DNM3: variants seen among roughly 807,000 people sequenced by gnomAD.
DNM3 encodes dynamin 3.
A neutral mutation model predicts 101.6 loss-of-function variants in DNM3; 47 were observed. The ratio of observed to expected loss-of-function variants is 0.46; its 90% CI spans 0.37 to 0.59. The LOEUF (loss-of-function observed/expected upper bound fraction) is 0.59, where lower values mean the gene tolerates loss of function less well. Among genes scored for constraint, DNM3 ranks in the 20% least tolerant of loss-of-function variants. The pLI is 0.00. For missense variants in DNM3, 849 were observed against 1,085.7 expected (o/e 0.78, Z 3.06); for synonymous variants, 385 against 387.9 (o/e 0.99, Z 0.09).
chr1:172,041,861 A>G (rs2125836788), intron 7 of DNM3, 148 bp from the exon 8 acceptor site: 1 of 649,744 alleles, frequency 1.5e-6, no homozygotes, highest in South Asian at 3.2e-5. Flanking sequence ...CACTGTGAGT[A>G]CTACATAGAG....
chr1:172,290,789 A>G (rs1420235318), intron 15 of DNM3, among the ~76,000 whole-genome samples: 1 of 152,154 alleles, frequency 6.6e-6, no homozygotes, highest in Non-Finnish European at 1.5e-5. Flanking sequence ...TACTGGGAAG[A>G]TTACCACTGG....
At chr1:171,917,402 C>T (rs2039801842) in intron 1 of DNM3, among the ~76,000 whole-genome samples, 1 of 152,112 alleles carries the variant, frequency 6.6e-6, no homozygotes, top group Non-Finnish European at 1.5e-5. Context: ...ACTGGAAGAG[C>T]CAATAAGAAA....
In DNM3 at chr1:172,410,402, C is replaced by A. The variant is rs1391144821; in HGVS notation, c.*2561C>A. 1.0e-6 allele frequency: 1 copy of A among 984,930 alleles called. No homozygotes were observed. The highest frequency in any genetic ancestry group is 1.1e-4 in the East Asian group (1 of 8,832). 61.0% of individuals were successfully genotyped at this position (984,930 alleles called of 1,614,324 possible). A position where few individuals can be genotyped will look rare whatever the true frequency, so the allele number is the denominator to read the frequency against. ...ACTGATTGCTCTGATATTGTAAACA[C>A]AATAGATGTAGCTCTATCATGTCTA... On this transcript the variant is annotated 3_prime_UTR_variant, in exon 21 of 21. Coordinates refer to ENST00000627582, the MANE Select transcript of DNM3 (RefSeq NM_015569.5).
intron 13 of DNM3, among the ~76,000 whole-genome samples, chr1:172,099,017 G>A (rs1187734716): frequency 6.6e-6 from 1 of 152,178 alleles, no homozygotes; most frequent in Non-Finnish European, 1.5e-5. Flanking sequence ...ACAGTTGGAA[G>A]GTGGCATAAA....
At position 172,361,929 on chromosome 1, in the gene DNM3, G is replaced by A. The variant is rs140811758; in HGVS notation, c.1894-17089G>A. 3.9e-3 allele frequency among the ~76,000 whole-genome samples: 595 copies of A among 152,028 alleles called. 1 individual carries two copies. Among genetic ancestry groups the A allele is most frequent in the Non-Finnish European group, 6.6e-3 (451 of 67,918 alleles). Reference sequence around the variant, plus strand: ...AAATACCCAACACTTATAAGACCCTGCCCTCCTTTCACTCACCTCTTTGTT... The same window carrying A: ...AAATACCCAACACTTATAAGACCCTACCCTCCTTTCACTCACCTCTTTGTT... On this transcript the variant is annotated intron_variant, in intron 17 of 20. Coordinates refer to ENST00000627582, the MANE Select transcript of DNM3 (RefSeq NM_015569.5).
intron 4 of DNM3, among the ~76,000 whole-genome samples, chr1:171,992,380 C>T (rs976835729): frequency 6.6e-6 from 1 of 152,028 alleles, no homozygotes; most frequent in African/African-American, 2.4e-5. Flanking sequence ...TCCACAAAGT[C>T]ATTCCCAGTA....
intron 1 of DNM3, among the ~76,000 whole-genome samples, chr1:171,917,988 G>C (rs1035232369): frequency 1.3e-5 from 2 of 152,166 alleles, no homozygotes; most frequent in Non-Finnish European, 2.9e-5. Flanking sequence ...AATATTGTTC[G>C]TGTCAGTGCT....
intron 1 of DNM3, among the ~76,000 whole-genome samples, chr1:171,885,995 G>A (rs186753595): frequency 7.9e-5 from 12 of 152,244 alleles, no homozygotes; most frequent in African/African-American, 2.9e-4. Flanking sequence ...CACTTTGACC[G>A]GACTGTCAAG....
chr1:172,098,112 G>A (rs1232144818), intron 13 of DNM3, among the ~76,000 whole-genome samples: 2 of 152,106 alleles, frequency 1.3e-5, no homozygotes, highest in African/African-American at 2.4e-5. Context: ...CAGGGTTTGA[G>A]AGCAGACAAC....
chr1:171,880,548 A>G (rs12065850), intron 1 of DNM3, among the ~76,000 whole-genome samples: 1 of 152,254 alleles, frequency 6.6e-6, no homozygotes, highest in Non-Finnish European at 1.5e-5. Flanking sequence ...GAATTTAAAG[A>G]GTCTATGAAG....
chr1:172,156,958 G>A (rs1314708611), intron 14 of DNM3, among the ~76,000 whole-genome samples: 2 of 152,012 alleles, frequency 1.3e-5, no homozygotes, highest in Non-Finnish European at 2.9e-5. Flanking sequence ...CATAGAGCAG[G>A]AGACCCCCAA....
intron 11 of DNM3, among the ~76,000 whole-genome samples, chr1:172,074,857 T>C (rs1481702517): frequency 6.6e-6 from 1 of 152,240 alleles, no homozygotes; most frequent in Admixed American, 6.5e-5. Context: ...CGTCAAATGG[T>C]ATTGCTGGTT....
chr1:171,925,355 G>A (rs1367684931), intron 2 of DNM3, among the ~76,000 whole-genome samples: 2 of 152,012 alleles, frequency 1.3e-5, no homozygotes, highest in Non-Finnish European at 2.9e-5. Flanking sequence ...AGCCTCCCGA[G>A]TAGCTGGGAT....
At chr1:172,212,764 T>A (rs897840273) in intron 14 of DNM3, among the ~76,000 whole-genome samples, 10 of 152,114 alleles carry the variant, frequency 6.6e-5, no homozygotes, top group Admixed American at 2.6e-4. Flanking sequence ...TTCTAATCCA[T>A]GCTGAACATG....
intron 20 of DNM3, among the ~76,000 whole-genome samples, chr1:172,404,680 T>C (rs2070753903): frequency 1.3e-5 from 2 of 152,100 alleles, no homozygotes; most frequent in South Asian, 4.1e-4. Context: ...CTTCCAAGTT[T>C]TATATGCAGC....
chr1:172,360,999 A>G (rs976041363), intron 17 of DNM3, among the ~76,000 whole-genome samples: 1 of 152,032 alleles, frequency 6.6e-6, no homozygotes, highest in Non-Finnish European at 1.5e-5. Flanking sequence ...AATGGCTACT[A>G]AGAAAACTGG....
intron 14 of DNM3, among the ~76,000 whole-genome samples, chr1:172,221,929 A>G (rs879797164): frequency 6.6e-6 from 1 of 152,172 alleles, no homozygotes; most frequent in African/African-American, 2.4e-5. Context: ...TGTTCAATGC[A>G]TAGAATAGAG....
intron 17 of DNM3, among the ~76,000 whole-genome samples, chr1:172,376,801 C>T (rs2068626406): frequency 6.6e-6 from 1 of 151,902 alleles, no homozygotes; most frequent in South Asian, 2.1e-4. Context: ...TTACTAAAGC[C>T]TCTCAATTTT....
intron 14 of DNM3, among the ~76,000 whole-genome samples, chr1:172,164,888 C>T (rs2058692975): frequency 6.6e-6 from 1 of 152,052 alleles, no homozygotes; most frequent in African/African-American, 2.4e-5. Context: ...TCAAAAGTGG[C>T]TGGGCTACAC....
Sources: allele counts gnomAD v4.1 joint callset (sites outside exome capture counted in the v4.1 genomes callset), GRCh38; gene constraint gnomAD v4.1.1; transcripts MANE v1.5; gene names NCBI Gene and HGNC (gene_info 2026-07-23, HGNC 2026-07-21).